Variants in SYNE2 observed in about 807,000 individuals in gnomAD.
SYNE2 encodes nesprin-2.
A neutral mutation model predicts 856.3 loss-of-function variants in SYNE2; 431 were observed. The observed-to-expected ratio is 0.50, with a 90% CI of 0.47 to 0.55. The LOEUF is 0.55. Ranked by LOEUF, SYNE2 falls within the 20% of genes least tolerant of loss-of-function variation. The probability of loss-of-function intolerance (pLI) is 0.00; values close to 1 mark genes in which losing one functional copy is unlikely to be tolerated. For missense variants in SYNE2, 8,129 were observed against 8,023.2 expected (o/e 1.01, Z -0.50); for synonymous variants, 2,923 against 2,872.3 (o/e 1.02, Z -0.56).
intron 7 of SYNE2, among the ~76,000 whole-genome samples, chr14:63,952,106 G>A (rs2096170941): frequency 6.6e-6 from 1 of 152,136 alleles, no homozygotes; most frequent in Non-Finnish European, 1.5e-5. Flanking sequence ...TCTCATTTGT[G>A]AAACAGATGA....
At chr14:64,009,146 G>C (rs1195903877) in intron 31 of SYNE2, among the ~76,000 whole-genome samples, 1 of 152,096 alleles carries the variant, frequency 6.6e-6, no homozygotes, top group African/African-American at 2.4e-5. Flanking sequence ...ACTAAGCAGT[G>C]CCCACATGTA....
At chr14:63,886,818 C>T (rs1234466423) in intron 1 of SYNE2, among the ~76,000 whole-genome samples, 1 of 152,000 alleles carries the variant, frequency 6.6e-6, no homozygotes, top group Non-Finnish European at 1.5e-5. Context: ...CTCCATCATG[C>T]CTGGCTAATT....
chr14:64,127,055 G>C (rs2097953648), intron 73 of SYNE2, among the ~76,000 whole-genome samples: 1 of 152,180 alleles, frequency 6.6e-6, no homozygotes, highest in Non-Finnish European at 1.5e-5. Context: ...GAGGTCAGGA[G>C]ATTGAGACCA....
intron 2 of SYNE2, among the ~76,000 whole-genome samples, chr14:63,915,396 G>C (rs190672671): frequency 1.3e-5 from 2 of 152,266 alleles, no homozygotes. Flanking sequence ...AGTATAACTT[G>C]TTGGTCATAA....
chr14:64,187,601 T>C (rs941983158), intron 97 of SYNE2, among the ~76,000 whole-genome samples: 3 of 152,148 alleles, frequency 2.0e-5, no homozygotes, highest in African/African-American at 7.2e-5. Context: ...TTTTAACACG[T>C]TTGGCTGGCT....
intron 1 of SYNE2, among the ~76,000 whole-genome samples, chr14:63,791,662 G>A (rs73267670): frequency 0.014 from 2,183 of 152,260 alleles, 35 homozygotes; most frequent in South Asian, 0.078. Context: ...AAAAACTTAA[G>A]GCTGGACGTG....
At chr14:64,170,872 G>C (rs1260995044) in intron 94 of SYNE2, among the ~76,000 whole-genome samples, 1 of 152,128 alleles carries the variant, frequency 6.6e-6, no homozygotes, top group East Asian at 1.9e-4. Flanking sequence ...AAAAAAAATA[G>C]AATGAATAAG....
At chr14:64,183,248 C>T (rs1055211664) in intron 96 of SYNE2, among the ~76,000 whole-genome samples, 10 of 147,566 alleles carry the variant, frequency 6.8e-5, no homozygotes, top group Admixed American at 2.0e-4. Context: ...ACGGGGCGGC[C>T]GGGCAGAGAC....
At chr14:63,772,385 C>T (rs556118207) in intron 1 of SYNE2, among the ~76,000 whole-genome samples, 6 of 151,052 alleles carry the variant, frequency 4.0e-5, no homozygotes, top group African/African-American at 7.3e-5. Flanking sequence ...CAAAAAACCT[C>T]AGCAAACAGT....
intron 90 of SYNE2, 107 bp from the exon 91 acceptor site, chr14:64,167,126 C>T (rs2098384350): frequency 1.4e-6 from 2 of 1,424,630 alleles, no homozygotes; most frequent in Non-Finnish European, 1.9e-6. Flanking sequence ...AAGTCATTTG[C>T]CTGTTCAGGC....
At chr14:64,201,892 C>T (rs955579278) in intron 99 of SYNE2, among the ~76,000 whole-genome samples, 3 of 152,172 alleles carry the variant, frequency 2.0e-5, no homozygotes, top group African/African-American at 4.8e-5. Flanking sequence ...TCCCACAGAA[C>T]GCCAGGACAG....
chr14:63,830,051 T>C (rs532055507), intron 1 of SYNE2, among the ~76,000 whole-genome samples: 39 of 152,308 alleles, frequency 2.6e-4, no homozygotes, highest in Non-Finnish European at 4.7e-4. Context: ...TAAAAAGGAA[T>C]GAAGTGCTGA....
chr14:63,849,232 A>T (rs1029452857), upstream of SYNE2, among the ~76,000 whole-genome samples: 4 of 151,158 alleles, frequency 2.6e-5, no homozygotes, highest in African/African-American at 9.7e-5. Flanking sequence ...CAGAGATAGC[A>T]TAACAAGGAG....
chr14:64,158,513 T>C, intron 85 of SYNE2, 112 bp from the exon 86 acceptor site: 2 of 1,149,278 alleles, frequency 1.7e-6, no homozygotes, highest in Non-Finnish European at 1.3e-6. Flanking sequence ...TCACTGGTGA[T>C]CCTTCAATAC....
intron 83 of SYNE2, 121 bp from the exon 84 acceptor site, chr14:64,145,947 T>C: frequency 1.5e-6 from 1 of 657,728 alleles, no homozygotes; most frequent in Non-Finnish European, 2.5e-6. Context: ...CAGAGCATCT[T>C]ATTACATGAA....
chr14:63,930,517 C>T (rs1181129395), intron 2 of SYNE2, among the ~76,000 whole-genome samples: 2 of 150,100 alleles, frequency 1.3e-5, no homozygotes, highest in South Asian at 4.2e-4. Flanking sequence ...CATCACTATC[C>T]TTTATCATTA....
intron 59 of SYNE2, 44 bp from the exon 60 acceptor site, chr14:64,090,822 A>G: frequency 1.9e-6 from 3 of 1,544,824 alleles, no homozygotes; most frequent in Non-Finnish European, 1.8e-6. Context: ...AACAGTGGCC[A>G]TTGTCTTTTC....
At chr14:64,063,443 C>G (rs944725917) in intron 50 of SYNE2, among the ~76,000 whole-genome samples, 2 of 152,212 alleles carry the variant, frequency 1.3e-5, no homozygotes, top group African/African-American at 4.8e-5. Flanking sequence ...CAGTCATCCC[C>G]CAATAGCATC....
chr14:64,097,077 C>T (rs2097683612), intron 61 of SYNE2, among the ~76,000 whole-genome samples: 1 of 152,162 alleles, frequency 6.6e-6, no homozygotes, highest in South Asian at 2.1e-4. Context: ...GCTGTTTCTT[C>T]CAAAGCTAAG....
Sources: allele counts gnomAD v4.1 joint callset (sites outside exome capture counted in the v4.1 genomes callset), GRCh38; gene constraint gnomAD v4.1.1; transcripts MANE v1.5; gene names NCBI Gene and HGNC (gene_info 2026-07-23, HGNC 2026-07-21).